Variants in NYAP2 observed in about 807,000 individuals in gnomAD.
NYAP2 encodes neuronal tyrosine-phosphorylated phosphoinositide-3-kinase adapter 2.
A neutral mutation model predicts 50.4 loss-of-function variants in NYAP2; 23 were observed. The ratio of observed to expected loss-of-function variants is 0.46; its 90% CI spans 0.33 to 0.65. The LOEUF (loss-of-function observed/expected upper bound fraction) is 0.65, where lower values mean the gene tolerates loss of function less well. Among genes scored for constraint, NYAP2 ranks in the 30% least tolerant of loss-of-function variants. The pLI, the probability that NYAP2 is intolerant of heterozygous loss-of-function variation, is 0.02. For synonymous variants in NYAP2, 394 were observed against 365.2 expected (o/e 1.08, Z -0.90); for missense variants, 885 against 861.0 (o/e 1.03, Z -0.35).
intron 2 of NYAP2, 40 bp from the exon 3 acceptor site, chr2:225,408,824 C>T (rs1694981771): frequency 3.3e-6 from 4 of 1,194,426 alleles, no homozygotes; most frequent in Admixed American, 2.0e-5. Context: ...TGCTTTTTTC[C>T]CCACCCTGGA....
chr2:225,602,088 G>A (rs765699782), intron 5 of NYAP2, among the ~76,000 whole-genome samples: 1 of 152,182 alleles, frequency 6.6e-6, no homozygotes, highest in Non-Finnish European at 1.5e-5. Flanking sequence ...TCTCTGCAGT[G>A]AAGAGGGGGC....
intron 3 of NYAP2, among the ~76,000 whole-genome samples, chr2:225,437,932 A>G (rs549659390): frequency 3.9e-5 from 6 of 152,328 alleles, no homozygotes; most frequent in African/African-American, 1.4e-4. Context: ...CCAGATCATG[A>G]TAAAGCTTCA....
intron 4 of NYAP2, among the ~76,000 whole-genome samples, chr2:225,513,918 A>C (rs1690879678): frequency 6.6e-6 from 1 of 152,250 alleles, no homozygotes; most frequent in Admixed American, 6.5e-5. Flanking sequence ...TTAAAGCTTC[A>C]AATTATTCAA....
chr2:225,534,767 G>A (rs1691317598), intron 4 of NYAP2, among the ~76,000 whole-genome samples: 1 of 152,184 alleles, frequency 6.6e-6, no homozygotes, highest in Non-Finnish European at 1.5e-5. Context: ...TAAGAGAATT[G>A]TCTGGTAAAA....
At chr2:225,541,098 A>G (rs1303778288) in intron 4 of NYAP2, among the ~76,000 whole-genome samples, 4 of 152,214 alleles carry the variant, frequency 2.6e-5, no homozygotes, top group African/African-American at 9.6e-5. Flanking sequence ...TCTTATGATA[A>G]ATATCTGTTC....
At chr2:225,535,072 CAGCA>C in intron 4 of NYAP2, among the ~76,000 whole-genome samples, 1 of 152,336 alleles carries the variant, frequency 6.6e-6, no homozygotes, top group South Asian at 2.1e-4. Flanking sequence ...GGCCTGAGAT[CAGCA>C]GGCGGCTAAT....
At chr2:225,676,909 G>C in the NYAP2 span, among the ~76,000 whole-genome samples, 12 of 152,270 alleles carry the variant, frequency 7.9e-5, no homozygotes, top group African/African-American at 2.2e-4. Context: ...GGTTCCAAAT[G>C]AATTTTAGAA....
intron 4 of NYAP2, among the ~76,000 whole-genome samples, chr2:225,565,341 T>A (rs1897227): frequency 6.6e-6 from 1 of 152,056 alleles, no homozygotes; most frequent in African/African-American, 2.4e-5. Context: ...TACATATTTT[T>A]AAAACACATG....
chr2:225,525,868 G>C (rs1004092969), intron 4 of NYAP2, among the ~76,000 whole-genome samples: 1 of 152,164 alleles, frequency 6.6e-6, no homozygotes, highest in Non-Finnish European at 1.5e-5. Context: ...ACTCCCTGCT[G>C]TACTACTTCT....
the NYAP2 span, among the ~76,000 whole-genome samples, chr2:225,685,925 A>G: frequency 6.6e-6 from 1 of 152,200 alleles, no homozygotes; most frequent in Non-Finnish European, 1.5e-5. Flanking sequence ...AGCCAATTTC[A>G]GACACACAAG....
chr2:225,607,877 T>A (rs1342706425), intron 5 of NYAP2, among the ~76,000 whole-genome samples: 1 of 152,152 alleles, frequency 6.6e-6, no homozygotes, highest in South Asian at 2.1e-4. Flanking sequence ...GTTTATGCAC[T>A]ATTTTGAAGT....
chr2:225,589,489 C>A (rs940146887), intron 5 of NYAP2, among the ~76,000 whole-genome samples: 1 of 120,922 alleles, frequency 8.3e-6, no homozygotes, highest in South Asian at 2.8e-4. Flanking sequence ...GGGCAACATA[C>A]TAAGACTATA....
intron 3 of NYAP2, among the ~76,000 whole-genome samples, chr2:225,456,144 C>T (rs1397789230): frequency 6.6e-6 from 1 of 152,176 alleles, no homozygotes; most frequent in East Asian, 1.9e-4. Context: ...GCATATGAGT[C>T]CACTGCTTAA....
At chr2:225,644,292 G>T (rs1017839195) in intron 6 of NYAP2, among the ~76,000 whole-genome samples, 3 of 152,054 alleles carry the variant, frequency 2.0e-5, no homozygotes, top group Admixed American at 6.5e-5. Flanking sequence ...GGGGTTGTTT[G>T]TTTTTTTCCT....
chr2:225,611,908 ACACACACACACACAC>A (rs1200169931), intron 5 of NYAP2, among the ~76,000 whole-genome samples: 2 of 1,018 alleles, frequency 2.0e-3, no homozygotes, highest in Non-Finnish European at 3.9e-3. Context: ...GTATACACAC[ACACACACACACACAC>A]ACACACACAC....
intron 4 of NYAP2, among the ~76,000 whole-genome samples, chr2:225,543,627 G>A (rs1382795946): frequency 2.0e-5 from 3 of 151,912 alleles, no homozygotes; most frequent in African/African-American, 7.2e-5. Flanking sequence ...CAGAGAAAAT[G>A]CTAGATATTA....
At chr2:225,535,201 G>A (rs1691326233) in intron 4 of NYAP2, among the ~76,000 whole-genome samples, 1 of 152,198 alleles carries the variant, frequency 6.6e-6, no homozygotes, top group Non-Finnish European at 1.5e-5. Context: ...CAGGAACCAG[G>A]AAGCAAAACT....
intron 4 of NYAP2, among the ~76,000 whole-genome samples, chr2:225,577,457 T>TA (rs1312210264): frequency 7.1e-6 from 1 of 140,462 alleles, no homozygotes; most frequent in Non-Finnish European, 1.5e-5. Flanking sequence ...TTTAAATAAT[T>TA]TTTTTTTTAA....
At chr2:225,434,398 A>G (rs988055352) in intron 3 of NYAP2, among the ~76,000 whole-genome samples, 5 of 152,272 alleles carry the variant, frequency 3.3e-5, no homozygotes, top group African/African-American at 1.2e-4. Flanking sequence ...TTGGGGGACA[A>G]GAACTGGCTG....
Sources: gnomAD v4.1 joint callset for allele counts (sites outside exome capture counted in the v4.1 genomes callset) on GRCh38, gnomAD v4.1.1 for gene constraint, MANE v1.5 for transcripts, NCBI Gene and HGNC (gene_info 2026-07-23, HGNC 2026-07-21) for gene names.